The following LRRTM4 variants were observed in gnomAD, a reference collection of about 807,000 sequenced individuals.
LRRTM4 encodes leucine-rich repeat transmembrane neuronal protein 4.
Under a neutral mutation model 47.6 loss-of-function variants are expected in LRRTM4, and 25 were observed. The ratio of observed to expected loss-of-function variants is 0.53; its 90% CI spans 0.38 to 0.73. The LOEUF is 0.73. Ranked by LOEUF, LRRTM4 falls within the 30% of genes least tolerant of loss-of-function variation. The pLI, the probability that LRRTM4 is intolerant of heterozygous loss-of-function variation, is 0.00. For synonymous variants in LRRTM4, 311 were observed against 269.5 expected (o/e 1.15, Z -1.51); for missense variants, 638 against 713.4 (o/e 0.89, Z 1.20).
chr2:76,818,441 T>A (rs1670961928), intron 3 of LRRTM4, among the ~76,000 whole-genome samples: 1 of 151,802 alleles, frequency 6.6e-6, no homozygotes, highest in African/African-American at 2.4e-5. Context: ...CTAAACTCAA[T>A]GTCTCAACTA....
At chr2:76,896,484 C>A (rs7557841) in intron 3 of LRRTM4, among the ~76,000 whole-genome samples, 5,593 of 151,886 alleles carry the variant, frequency 0.037, 198 homozygotes, top group East Asian at 0.084. Context: ...CAAGCTTAAA[C>A]AATACATGTG....
At chr2:77,138,767 G>A (rs919282932) in intron 3 of LRRTM4, among the ~76,000 whole-genome samples, 6 of 151,640 alleles carry the variant, frequency 4.0e-5, no homozygotes, top group South Asian at 2.1e-4. Flanking sequence ...TCAAATAGAC[G>A]CAATAAAAAA....
At chr2:76,984,472 C>T (rs1313590523) in intron 3 of LRRTM4, among the ~76,000 whole-genome samples, 2 of 151,892 alleles carry the variant, frequency 1.3e-5, no homozygotes, top group African/African-American at 4.8e-5. Flanking sequence ...TCTTAGCTTA[C>T]CGATATGTAT....
intron 3 of LRRTM4, among the ~76,000 whole-genome samples, chr2:76,949,831 A>G (rs986935861): frequency 2.0e-5 from 3 of 152,022 alleles, no homozygotes; most frequent in Non-Finnish European, 4.4e-5. Flanking sequence ...AACACAGAAA[A>G]TGCAATGATT....
chr2:77,056,817 C>G (rs1157751340), intron 3 of LRRTM4, among the ~76,000 whole-genome samples: 2 of 152,168 alleles, frequency 1.3e-5, no homozygotes, highest in Non-Finnish European at 2.9e-5. Context: ...TGCTTATTCT[C>G]TAATTTCCCT....
chr2:76,989,602 T>C (rs1005140195), intron 3 of LRRTM4, among the ~76,000 whole-genome samples: 3 of 151,818 alleles, frequency 2.0e-5, no homozygotes, highest in African/African-American at 7.2e-5. Context: ...TTGCAATGAA[T>C]AGTTAGCCTG....
chr2:77,414,527 TTTAA>T (rs1364084496), intron 3 of LRRTM4, among the ~76,000 whole-genome samples: 35 of 152,340 alleles, frequency 2.3e-4, no homozygotes, highest in African/African-American at 8.2e-4. Context: ...ATTTTGTGTC[TTTAA>T]TTATTTGCCA....
chr2:77,380,797 A>G (rs1025754809), intron 3 of LRRTM4, among the ~76,000 whole-genome samples: 19 of 146,854 alleles, frequency 1.3e-4, no homozygotes, highest in Non-Finnish European at 2.7e-4. Flanking sequence ...CTCCATCTCG[A>G]AAAAAAAAAA....
chr2:76,861,296 A>G (rs1167209841), intron 3 of LRRTM4, among the ~76,000 whole-genome samples: 2 of 152,182 alleles, frequency 1.3e-5, no homozygotes, highest in Admixed American at 6.6e-5. Flanking sequence ...CACATGAAAT[A>G]TCAGGCTAAA....
intron 3 of LRRTM4, among the ~76,000 whole-genome samples, chr2:77,373,085 A>AT (rs1469698112): frequency 0.025 from 3,358 of 134,272 alleles, 47 homozygotes; most frequent in South Asian, 0.068. Context: ...CAATTAAAAA[A>AT]AAAATATATA....
At chr2:77,420,358 A>G (rs1364036742) in intron 3 of LRRTM4, among the ~76,000 whole-genome samples, 1 of 152,276 alleles carries the variant, frequency 6.6e-6, no homozygotes, top group Admixed American at 6.5e-5. Flanking sequence ...GTCAAATTAT[A>G]TTCATTGGAA....
chr2:76,911,743 C>T (rs1016514987), intron 3 of LRRTM4, among the ~76,000 whole-genome samples: 13 of 151,884 alleles, frequency 8.6e-5, no homozygotes, highest in Non-Finnish European at 1.6e-4. Context: ...ATGGAATAGG[C>T]CAATCACTTT....
At chr2:77,049,153 T>TAC (rs1321817435) in intron 3 of LRRTM4, among the ~76,000 whole-genome samples, 1 of 129,480 alleles carries the variant, frequency 7.7e-6, no homozygotes, top group Admixed American at 7.5e-5. Flanking sequence ...TATATATATA[T>TAC]ATATACACAC....
chr2:76,768,532 GA>G (rs1177672144), intron 3 of LRRTM4, among the ~76,000 whole-genome samples: 1 of 152,044 alleles, frequency 6.6e-6, no homozygotes, highest in Non-Finnish European at 1.5e-5. Context: ...CATGCTTGGG[GA>G]AAACATTTTT....
At chr2:77,065,002 A>AG (rs1679908041) in intron 3 of LRRTM4, among the ~76,000 whole-genome samples, 1 of 152,162 alleles carries the variant, frequency 6.6e-6, no homozygotes, top group Non-Finnish European at 1.5e-5. Flanking sequence ...TGTTCATTAT[A>AG]GCACCTATTG....
At chr2:77,454,869 C>T (rs899361777) in intron 3 of LRRTM4, among the ~76,000 whole-genome samples, 1 of 151,882 alleles carries the variant, frequency 6.6e-6, no homozygotes, top group African/African-American at 2.4e-5. Flanking sequence ...AAAAGCTGCC[C>T]CCCCTTTTAT....
intron 3 of LRRTM4, among the ~76,000 whole-genome samples, chr2:77,436,417 T>C (rs996000168): frequency 1.3e-5 from 2 of 151,944 alleles, no homozygotes; most frequent in Non-Finnish European, 2.9e-5. Context: ...AAATTAATTA[T>C]ATGTGATTTT....
intron 3 of LRRTM4, among the ~76,000 whole-genome samples, chr2:76,940,093 G>A (rs1675084340): frequency 6.6e-6 from 1 of 152,030 alleles, no homozygotes; most frequent in Non-Finnish European, 1.5e-5. Flanking sequence ...ACTCCTCAAA[G>A]AGCTGAAAAC....
chr2:76,837,800 A>G (rs1032033863), intron 3 of LRRTM4, among the ~76,000 whole-genome samples: 5 of 152,110 alleles, frequency 3.3e-5, no homozygotes, highest in Non-Finnish European at 7.4e-5. Context: ...CATGGATGAA[A>G]TTGGAAATCA....
Sources: allele counts gnomAD v4.1 joint callset (sites outside exome capture counted in the v4.1 genomes callset), GRCh38; gene constraint gnomAD v4.1.1; transcripts MANE v1.5; gene names NCBI Gene and HGNC (gene_info 2026-07-23, HGNC 2026-07-21).